The following FDFT1 variants were observed in gnomAD, a reference collection of about 807,000 sequenced individuals.
The protein encoded by FDFT1 is squalene synthase.
Under a neutral mutation model 46.8 loss-of-function variants are expected in FDFT1, and 68 were observed. The observed-to-expected ratio is 1.45, with a 90% confidence interval of 1.19 to 1.78. The LOEUF is 1.78. Among genes scored for constraint, FDFT1 ranks in the 40% most tolerant of loss-of-function variants. The pLI is 0.00. For missense variants in FDFT1, 928 were observed against 524.4 expected (o/e 1.77, Z -7.52); for synonymous variants, 351 against 185.1 (o/e 1.90, Z -7.28).
At chr8:11,803,228 A>G (rs886455208) in intron 1 of FDFT1, 7 of 1,393,252 alleles carry the variant, frequency 5.0e-6, no homozygotes, top group East Asian at 7.0e-5. Flanking sequence ...GCTTACCGGT[A>G]TTTTAACCCG....
At chr8:11,802,738 C>T (rs542279197), upstream of FDFT1, 75 of 964,604 alleles carry the variant, frequency 7.8e-5, no homozygotes, top group African/African-American at 9.3e-4. Flanking sequence ...CGGCCAGCCC[C>T]TCGAAGCACC....
rs1807431315 is a variant in FDFT1 at position 11,809,712 on chromosome 8, A to G, written c.243A>G (p.Thr81=). ...IFYLVLRALD[T]LEDDMTISVE... is the part of the protein sequence containing the mutation. ...ATCTGGTTCTCCGAGCTCTGGACAC[A>G]CTGGAAGATGACATGACCATCAGTG... is the stretch of plus-strand genomic sequence containing the variant. Residue 81 remains threonine (T), a synonymous_variant, in exon 3 of 8, where the codon ACA becomes ACG. Coordinates refer to ENST00000220584, the MANE Select transcript of FDFT1 (RefSeq NM_004462.5). 3.1e-6 allele frequency: 5 copies of G among 1,614,174 alleles called. No individual in the cohort carries two copies. In the East Asian group the frequency reaches 6.7e-5, roughly 22 times the overall value.
At chr8:11,814,285 AGATT>A (rs1379207882) in intron 3 of FDFT1, among the ~76,000 whole-genome samples, 4 of 150,678 alleles carry the variant, frequency 2.7e-5, no homozygotes, top group Admixed American at 1.3e-4. Context: ...TGGAAGTACC[AGATT>A]GATTTTATAG....
intron 1 of FDFT1, among the ~76,000 whole-genome samples, chr8:11,805,407 C>T (rs1449548468): frequency 3.9e-5 from 6 of 152,148 alleles, no homozygotes; most frequent in South Asian, 2.1e-4. Context: ...ACCCAAAAGC[C>T]GAGAGTAATG....
intron 5 of FDFT1, among the ~76,000 whole-genome samples, chr8:11,826,564 A>C (rs926781017): frequency 1.3e-5 from 2 of 152,218 alleles, no homozygotes; most frequent in African/African-American, 4.8e-5. Flanking sequence ...CTGTAATCCC[A>C]ACAGTTTGAG....
intron 3 of FDFT1, among the ~76,000 whole-genome samples, chr8:11,812,040 G>A (rs1433296563): frequency 1.3e-5 from 2 of 152,198 alleles, no homozygotes; most frequent in African/African-American, 4.8e-5. Flanking sequence ...GGAACAAGTA[G>A]TGTGAAAGAG....
At chr8:11,813,687 T>C (rs911288165) in intron 3 of FDFT1, among the ~76,000 whole-genome samples, 3 of 152,222 alleles carry the variant, frequency 2.0e-5, no homozygotes, top group Non-Finnish European at 4.4e-5. Context: ...GGATTTGGCC[T>C]TTCTCCATTA....
intron 3 of FDFT1, among the ~76,000 whole-genome samples, chr8:11,812,639 C>T (rs1032175645): frequency 2.0e-5 from 3 of 152,208 alleles, no homozygotes; most frequent in Non-Finnish European, 4.4e-5. Flanking sequence ...ACTTAAGTTA[C>T]TAGCTCGATT....
intron 7 of FDFT1, among the ~76,000 whole-genome samples, chr8:11,835,024 T>A (rs1811348288): frequency 6.6e-6 from 1 of 152,206 alleles, no homozygotes; most frequent in Non-Finnish European, 1.5e-5. Flanking sequence ...TTCCGGAGCC[T>A]GAGACATGAG....
chr8:11,818,470 C>T (rs1395582573), intron 3 of FDFT1, among the ~76,000 whole-genome samples: 1 of 152,166 alleles, frequency 6.6e-6, no homozygotes, highest in Non-Finnish European at 1.5e-5. Context: ...ATGTTAGACT[C>T]GCACACAATA....
At chr8:11,808,187 G>C in intron 1 of FDFT1, 1 of 976,374 alleles carries the variant, frequency 1.0e-6, no homozygotes, top group Non-Finnish European at 1.3e-6. Flanking sequence ...TGAGTACAAA[G>C]TCCAGGCCTT....
chr8:11,827,434 C>T (rs574283977), intron 5 of FDFT1, among the ~76,000 whole-genome samples: 1 of 151,700 alleles, frequency 6.6e-6, no homozygotes, highest in South Asian at 2.1e-4. Flanking sequence ...ACAAGGATCC[C>T]TTGAGCGCAG....
At chr8:11,838,283 T>A (rs527379865) in intron 7 of FDFT1, 105 bp from the exon 8 acceptor site, 2 of 842,262 alleles carry the variant, frequency 2.4e-6, no homozygotes, top group African/African-American at 3.3e-5. Flanking sequence ...CCTTTCCTCA[T>A]TGGTAAAATG....
At chr8:11,826,725 G>A (rs959818924) in intron 5 of FDFT1, among the ~76,000 whole-genome samples, 6 of 152,188 alleles carry the variant, frequency 3.9e-5, no homozygotes, top group African/African-American at 1.2e-4. Flanking sequence ...TGAGGCAGGA[G>A]AATCGCTTGA....
upstream of FDFT1, among the ~76,000 whole-genome samples, chr8:11,799,818 T>C (rs540978659): frequency 1.3e-5 from 2 of 151,778 alleles, no homozygotes; most frequent in Non-Finnish European, 1.5e-5. Flanking sequence ...TGGTGGTACA[T>C]GCCTGTAGTT....
chr8:11,807,798 G>C (rs996330198), intron 1 of FDFT1: 23 of 152,226 alleles, frequency 1.5e-4, no homozygotes, highest in Admixed American at 1.5e-3. Context: ...GAGAATAGTA[G>C]AGGCTTAATA....
At chr8:11,797,029 A>G (rs1189983552) in intron 1 of FDFT1, among the ~76,000 whole-genome samples, 3 of 152,246 alleles carry the variant, frequency 2.0e-5, no homozygotes, top group African/African-American at 7.2e-5. Flanking sequence ...AGACATCTGT[A>G]GGAAAAGGGT....
intron 7 of FDFT1, among the ~76,000 whole-genome samples, chr8:11,836,735 G>T (rs557049498): frequency 6.6e-5 from 10 of 152,370 alleles, no homozygotes; most frequent in African/African-American, 2.4e-4. Context: ...CTTTATGGAT[G>T]CTTGTATTGA....
At chr8:11,824,954 C>A (rs1402950004) in intron 4 of FDFT1, among the ~76,000 whole-genome samples, 1 of 152,002 alleles carries the variant, frequency 6.6e-6, no homozygotes, top group Non-Finnish European at 1.5e-5. Flanking sequence ...CCAGGATGGT[C>A]TTGATCTCCT....
Sources: allele counts gnomAD v4.1 joint callset (sites outside exome capture counted in the v4.1 genomes callset), GRCh38; gene constraint gnomAD v4.1.1; transcripts MANE v1.5; gene names NCBI Gene and HGNC (gene_info 2026-07-23, HGNC 2026-07-21).